Variants in KCNT2 observed in about 807,000 individuals in gnomAD.
The protein encoded by KCNT2 is potassium channel subfamily T member 2.
Under a neutral mutation model 153.8 loss-of-function variants are expected in KCNT2, and 67 were observed. The observed-to-expected ratio is 0.44, with a 90% CI of 0.36 to 0.53. KCNT2 has a LOEUF of 0.53. KCNT2 is among the 20% of genes least tolerant of loss of function. The pLI is 0.00. For synonymous variants in KCNT2, 500 were observed against 458.8 expected, an observed-to-expected ratio of 1.09 and a Z score of -1.15; for missense variants, 975 against 1,354.8, an observed-to-expected ratio of 0.72 and a Z score of 4.40.
chr1:196,305,234 C>A lies in KCNT2; in HGVS notation c.2595G>T (p.Lys865Asn), dbSNP rs1249776142. ...CYSLALSKLE[K>N]KERERGSNLA... Reference sequence around the variant, plus strand: ...TTTACTTGATAATGTGGGGTCTTACCTTTTCCAGTTTTGAAAGAGCAAGAG... The same window carrying A: ...TTTACTTGATAATGTGGGGTCTTACATTTTCCAGTTTTGAAAGAGCAAGAG... The change falls in exon 22 of 28, where the codon AAG becomes AAT. Residue 865 changes from lysine to asparagine, a missense_variant and splice_region_variant. Physicochemically the swap from Lys to Asn is moderately conservative, Grantham distance 94. This residue lies in a region of KCNT2 where 66 missense variants were observed against 147.9 expected (regional missense o/e 0.45). Coordinates refer to ENST00000294725, the MANE Select transcript of KCNT2 (RefSeq NM_198503.5). 1.9e-6 allele frequency: 3 copies of A among 1,570,234 alleles called. No homozygotes were observed. The highest frequency in any genetic ancestry group is 2.6e-6 in the Non-Finnish European group (3 of 1,140,750).
At chr1:196,342,278 G>T in intron 14 of KCNT2, 50 bp from the exon 15 acceptor site, 1 of 1,512,600 alleles carries the variant, frequency 6.6e-7, no homozygotes, top group Non-Finnish European at 9.0e-7. Context: ...AAAACACAGT[G>T]AATGTGGTTA....
chr1:196,379,283 A>G (rs956691227), intron 13 of KCNT2, among the ~76,000 whole-genome samples: 1 of 152,020 alleles, frequency 6.6e-6, no homozygotes, highest in African/African-American at 2.4e-5. Flanking sequence ...TTTAAAAATT[A>G]TATGTGGCAG....
chr1:196,500,339 A>G (rs898897321), intron 1 of KCNT2, among the ~76,000 whole-genome samples: 1 of 151,626 alleles, frequency 6.6e-6, no homozygotes, highest in Non-Finnish European at 1.5e-5. Flanking sequence ...AGAAAAAGAA[A>G]CGTTCATTCA....
At chr1:196,302,589 T>G (rs575322520) in intron 22 of KCNT2, among the ~76,000 whole-genome samples, 2 of 152,256 alleles carry the variant, frequency 1.3e-5, no homozygotes, top group African/African-American at 4.8e-5. Flanking sequence ...TCCTTTAATG[T>G]GTGTCTGTCT....
At chr1:196,356,195 C>T (rs1018105798) in intron 14 of KCNT2, among the ~76,000 whole-genome samples, 2 of 151,656 alleles carry the variant, frequency 1.3e-5, no homozygotes, top group Non-Finnish European at 3.0e-5. Context: ...CTTACCATAA[C>T]TAAAAATAAT....
At chr1:196,247,901 A>T (rs1290993964) in intron 26 of KCNT2, among the ~76,000 whole-genome samples, 1 of 152,214 alleles carries the variant, frequency 6.6e-6, no homozygotes, top group Non-Finnish European at 1.5e-5. Flanking sequence ...ATGTTAGGCC[A>T]CAAAACAAGA....
chr1:196,384,486 G>A (rs1248293580), intron 13 of KCNT2, among the ~76,000 whole-genome samples: 1 of 152,070 alleles, frequency 6.6e-6, no homozygotes, highest in East Asian at 1.9e-4. Flanking sequence ...GAGGTCAGGA[G>A]TTCGAAACCA....
intron 13 of KCNT2, among the ~76,000 whole-genome samples, chr1:196,397,665 C>G (rs901520273): frequency 2.6e-5 from 4 of 151,386 alleles, no homozygotes; most frequent in African/African-American, 9.7e-5. Flanking sequence ...AACTGAATAG[C>G]AACCATTTCA....
chr1:196,389,396 G>A (rs1470868553), intron 13 of KCNT2, among the ~76,000 whole-genome samples: 1 of 151,450 alleles, frequency 6.6e-6, no homozygotes, highest in Non-Finnish European at 1.5e-5. Context: ...CTGGATATAA[G>A]CTTGTACAGA....
At chr1:196,588,884 G>T (rs1382800679) in intron 1 of KCNT2, among the ~76,000 whole-genome samples, 1 of 151,134 alleles carries the variant, frequency 6.6e-6, no homozygotes, top group Admixed American at 6.6e-5. Flanking sequence ...TCCTCAACAG[G>T]GTAATTTCAT....
chr1:196,531,641 C>T lies in KCNT2; in HGVS notation c.96-39300G>A, dbSNP rs148887134. 5.5e-4 allele frequency among the ~76,000 whole-genome samples: 83 copies of T among 152,062 alleles called. No individual in the cohort carries two copies. The East Asian group carries it at 0.013, about 23-fold the overall frequency. Reference sequence around the variant, plus strand: ...AACACAAATAATTTTAAACAAATCACCCCAAAACAGACTTTCAGTAAGGAT... The same window carrying T: ...AACACAAATAATTTTAAACAAATCATCCCAAAACAGACTTTCAGTAAGGAT... On this transcript the variant is annotated intron_variant, in intron 1 of 27. Coordinates refer to ENST00000294725, the MANE Select transcript of KCNT2 (RefSeq NM_198503.5).
chr1:196,335,698 C>A (rs545305620), intron 16 of KCNT2, among the ~76,000 whole-genome samples: 1 of 152,248 alleles, frequency 6.6e-6, no homozygotes, highest in East Asian at 1.9e-4. Context: ...TACCTTATCT[C>A]AGCCCTTCAC....
At chr1:196,270,502 T>C (rs16839700) in intron 25 of KCNT2, among the ~76,000 whole-genome samples, 7,661 of 152,186 alleles carry the variant, frequency 0.05, 287 homozygotes, top group Non-Finnish European at 0.072. Flanking sequence ...AGCTGAATCA[T>C]GTTAGACTCT....
chr1:196,278,582 A>G (rs748749256), intron 25 of KCNT2, among the ~76,000 whole-genome samples: 1 of 152,236 alleles, frequency 6.6e-6, no homozygotes, highest in Non-Finnish European at 1.5e-5. Context: ...TGACAATTCA[A>G]ATACTCAGTA....
chr1:196,344,444 C>T (rs1665963916), intron 14 of KCNT2, among the ~76,000 whole-genome samples: 1 of 152,048 alleles, frequency 6.6e-6, no homozygotes, highest in Non-Finnish European at 1.5e-5. Flanking sequence ...GCTACTACTT[C>T]CTAAGAATGA....
At chr1:196,288,268 G>A (rs1346002293) in intron 22 of KCNT2, among the ~76,000 whole-genome samples, 1 of 152,056 alleles carries the variant, frequency 6.6e-6, no homozygotes, top group African/African-American at 2.4e-5. Context: ...TTTGGACTAG[G>A]TCTTAAAGTA....
chr1:196,392,452 A>G (rs1313699395), intron 13 of KCNT2, among the ~76,000 whole-genome samples: 1 of 151,392 alleles, frequency 6.6e-6, no homozygotes, highest in African/African-American at 2.4e-5. Flanking sequence ...TATGTTCTTA[A>G]GTAGGTTGTA....
At chr1:196,448,502 G>A (rs1675883773) in intron 8 of KCNT2, among the ~76,000 whole-genome samples, 2 of 151,506 alleles carry the variant, frequency 1.3e-5, no homozygotes, top group Non-Finnish European at 3.0e-5. Flanking sequence ...TCTCTCTAAT[G>A]AGAGCTAAGT....
chr1:196,497,631 G>C (rs1680360864), intron 1 of KCNT2, among the ~76,000 whole-genome samples: 2 of 151,962 alleles, frequency 1.3e-5, no homozygotes, highest in Non-Finnish European at 2.9e-5. Context: ...TTGATATTGG[G>C]ATTGCTTAAA....
Sources: allele counts gnomAD v4.1 joint callset (sites outside exome capture counted in the v4.1 genomes callset), GRCh38; gene constraint gnomAD v4.1.1; regional missense constraint gnomAD v4.1.1; transcripts MANE v1.5; gene names NCBI Gene and HGNC (gene_info 2026-07-23, HGNC 2026-07-21).